JAKMIP2: variants seen among roughly 807,000 people sequenced by gnomAD.
JAKMIP2 encodes the protein janus kinase and microtubule-interacting protein 2.
In JAKMIP2, 25 loss-of-function variants were observed where a neutral mutation model predicts 115.0. The ratio of observed to expected loss-of-function variants is 0.22; its 90% CI spans 0.16 to 0.30. The LOEUF is 0.30. JAKMIP2 is among the 10% of genes least tolerant of loss of function. The pLI is 1.00. For missense variants in JAKMIP2, 642 were observed against 957.6 expected (o/e 0.67, Z 4.35); for synonymous variants, 334 against 343.6 (o/e 0.97, Z 0.31).
chr5:147,625,128 C>A (rs192853684), intron 16 of JAKMIP2, among the ~76,000 whole-genome samples: 1 of 152,058 alleles, frequency 6.6e-6, no homozygotes, highest in African/African-American at 2.4e-5. Flanking sequence ...TATAGGTGCA[C>A]GCCTCCATGC....
chr5:147,658,891 A>G (rs1027933085), intron 3 of JAKMIP2, among the ~76,000 whole-genome samples: 20 of 151,966 alleles, frequency 1.3e-4, no homozygotes, highest in Non-Finnish European at 2.4e-4. Flanking sequence ...ACCAAACTCA[A>G]TCATCTCAGG....
Position 147,782,664 on chromosome 5 carries a change from G to GGCAGCAGCAGCAGCA in JAKMIP2, c.-372_-358dup, listed in dbSNP as rs3840518. The GGCAGCAGCAGCAGCA allele has an allele frequency of 1.6e-5, 10 of 636,664 alleles. No homozygotes were observed. Among genetic ancestry groups the GGCAGCAGCAGCAGCA allele is most frequent in the South Asian group, 1.1e-4 (7 of 61,172 alleles). The allele number at this position is 636,664 out of a possible 1,614,324, so 39.4% of individuals were successfully genotyped here. ...TATCAGCAATAGAGGCGGCGGCGGC[G>GGCAGCAGCAGCAGCA]GCAGCAGCAGCAGCAGCAGCATCAC... On this transcript the variant is annotated 5_prime_UTR_variant, in exon 1 of 22. Transcript: ENST00000616793.
intron 1 of JAKMIP2, among the ~76,000 whole-genome samples, chr5:147,764,925 AG>A (rs1755070638): frequency 1.2e-5 from 1 of 82,118 alleles, no homozygotes; most frequent in Non-Finnish European, 2.2e-5. Context: ...AAAGAAAGAG[AG>A]AGAGAGAGAG....
At chr5:147,707,995 G>T (rs983092149) in intron 1 of JAKMIP2, among the ~76,000 whole-genome samples, 4 of 151,944 alleles carry the variant, frequency 2.6e-5, no homozygotes, top group Non-Finnish European at 4.4e-5. Flanking sequence ...GAGAGAAGAG[G>T]GCAATTTAAA....
Position 147,589,022 on chromosome 5 carries a change from C to T in JAKMIP2, c.*2685G>A, listed in dbSNP as rs6580482. 143,814 of 152,206 alleles carry T rather than the reference C, an allele frequency of 0.94. 68,355 individuals are homozygous for T. The highest frequency in any genetic ancestry group is 1 in the Non-Finnish European group (67,929 of 68,042). 9.4% of individuals were successfully genotyped at this position (152,206 alleles called of 1,614,324 possible). A position where few individuals can be genotyped will look rare whatever the true frequency, so the allele number is the denominator to read the frequency against. Reference sequence around the variant, plus strand: ...CTTAGATATGTGAGAGTAATTTATCCTCTTCCATATTTTCTGACTCAAGTT... The same window carrying T: ...CTTAGATATGTGAGAGTAATTTATCTTCTTCCATATTTTCTGACTCAAGTT... On this transcript the variant is annotated 3_prime_UTR_variant, in exon 22 of 22. Transcript: ENST00000616793.
chr5:147,687,813 T>A (rs1410586653), intron 1 of JAKMIP2, among the ~76,000 whole-genome samples: 1 of 152,212 alleles, frequency 6.6e-6, no homozygotes, highest in African/African-American at 2.4e-5. Context: ...GCACAGTATT[T>A]ACCACTGTAC....
At chr5:147,769,535 C>T (rs1398579236) in intron 1 of JAKMIP2, among the ~76,000 whole-genome samples, 2 of 152,074 alleles carry the variant, frequency 1.3e-5, no homozygotes, top group Admixed American at 1.3e-4. Flanking sequence ...CTAATAATTA[C>T]TATGAACTAA....
chr5:147,782,062 A>G (rs1207739611), intron 1 of JAKMIP2, among the ~76,000 whole-genome samples: 4 of 152,166 alleles, frequency 2.6e-5, no homozygotes, highest in Admixed American at 6.5e-5. Context: ...GAGACACCAA[A>G]TGTATTTCTG....
In JAKMIP2 at chr5:147,587,003, A is replaced by C. The variant is rs1216041105; in HGVS notation, c.*4704T>G. The C allele has an allele frequency of 6.6e-6, 1 of 152,176 alleles. No homozygotes were observed. Among genetic ancestry groups the C allele is most frequent in the Non-Finnish European group, 1.5e-5 (1 of 68,038 alleles). The allele number at this position is 152,176 out of a possible 1,614,324, so 9.4% of individuals were successfully genotyped here. A position where few individuals can be genotyped will look rare whatever the true frequency, so the allele number is the denominator to read the frequency against. ...CTGAAATGGAATAATAGAATTTGGC[A>C]CTTGAAGAGGCCTTACAGGGATTAG... On this transcript the variant is annotated 3_prime_UTR_variant, in exon 22 of 22. Coordinates refer to ENST00000616793, the MANE Select transcript of JAKMIP2 (RefSeq NM_001270941.2).
chr5:147,772,294 A>C (rs1755388672), intron 1 of JAKMIP2, among the ~76,000 whole-genome samples: 1 of 152,168 alleles, frequency 6.6e-6, no homozygotes, highest in African/African-American at 2.4e-5. Flanking sequence ...CCAGATCTAA[A>C]GCATTAAATT....
chr5:147,774,313 A>C (rs1580909902), intron 1 of JAKMIP2, among the ~76,000 whole-genome samples: 2 of 152,270 alleles, frequency 1.3e-5, no homozygotes, highest in Non-Finnish European at 2.9e-5. Flanking sequence ...AATCCATAAG[A>C]AAGCAAGTTG....
At chr5:147,591,937 G>A (rs1455417436) in intron 21 of JAKMIP2, among the ~76,000 whole-genome samples, 1 of 152,158 alleles carries the variant, frequency 6.6e-6, no homozygotes, top group Non-Finnish European at 1.5e-5. Flanking sequence ...AAAGTAAGTT[G>A]CCTGAAATAT....
At chr5:147,703,592 C>CTTTTT (rs543400413) in intron 1 of JAKMIP2, among the ~76,000 whole-genome samples, 4 of 139,562 alleles carry the variant, frequency 2.9e-5, no homozygotes, top group African/African-American at 5.2e-5. Flanking sequence ...CGTACTGTAA[C>CTTTTT]TTTTTTTTTT....
At chr5:147,622,525 T>G (rs2126658598) in intron 17 of JAKMIP2, among the ~76,000 whole-genome samples, 1 of 152,358 alleles carries the variant, frequency 6.6e-6, no homozygotes, top group Admixed American at 6.5e-5. Flanking sequence ...TGTGAATAGC[T>G]TATTTCACTT....
At chr5:147,691,935 GGA>G (rs1751877815) in intron 1 of JAKMIP2, among the ~76,000 whole-genome samples, 1 of 151,758 alleles carries the variant, frequency 6.6e-6, no homozygotes, top group Non-Finnish European at 1.5e-5. Context: ...TTCCTGTTTC[GGA>G]GACTTTACCT....
chr5:147,774,937 C>T (rs948497191), intron 1 of JAKMIP2, among the ~76,000 whole-genome samples: 3 of 152,024 alleles, frequency 2.0e-5, no homozygotes, highest in Non-Finnish European at 4.4e-5. Context: ...GAAAATAATA[C>T]CGAGTGGTTT....
intron 1 of JAKMIP2, among the ~76,000 whole-genome samples, chr5:147,779,821 T>C (rs1198704346): frequency 2.0e-5 from 3 of 152,150 alleles, no homozygotes; most frequent in African/African-American, 7.2e-5. Flanking sequence ...ATCTAGTACA[T>C]CCTAGACAAA....
chr5:147,781,648 C>T (rs1755761950), intron 1 of JAKMIP2, among the ~76,000 whole-genome samples: 2 of 152,218 alleles, frequency 1.3e-5, no homozygotes, highest in South Asian at 2.1e-4. Context: ...CACAATGAAA[C>T]TAAGGGACAA....
intron 1 of JAKMIP2, among the ~76,000 whole-genome samples, chr5:147,689,036 G>C (rs577554502): frequency 6.6e-6 from 1 of 152,196 alleles, no homozygotes. Context: ...GTGGTGTTGT[G>C]ATTTTAGATC....
Sources: allele counts gnomAD v4.1 joint callset (sites outside exome capture counted in the v4.1 genomes callset), GRCh38; gene constraint gnomAD v4.1.1; transcripts MANE v1.5; gene names NCBI Gene and HGNC (gene_info 2026-07-23, HGNC 2026-07-21).